CTNNA3: variants seen among roughly 807,000 people sequenced by gnomAD.
CTNNA3 encodes the protein catenin alpha 3, also known as catenin alpha-3.
A neutral mutation model predicts 95.7 loss-of-function variants in CTNNA3; 76 were observed. The ratio of observed to expected loss-of-function variants is 0.79; its 90% CI spans 0.66 to 0.96. The LOEUF (loss-of-function observed/expected upper bound fraction) is 0.96. Among genes scored for constraint, CTNNA3 ranks in the 40% least tolerant of loss-of-function variants. The pLI is 0.00. For synonymous variants in CTNNA3, 431 were observed against 374.4 expected (o/e 1.15, Z -1.74); for missense variants, 1,191 against 1,089.8 (o/e 1.09, Z -1.31).
At chr10:66,412,529 C>T (rs1419954093) in intron 11 of CTNNA3, among the ~76,000 whole-genome samples, 1 of 147,398 alleles carries the variant, frequency 6.8e-6, no homozygotes, top group Non-Finnish European at 1.5e-5. Context: ...GGCATGATCT[C>T]GGCTCACTGC....
intron 15 of CTNNA3, among the ~76,000 whole-genome samples, chr10:66,034,733 T>C (rs1397002904): frequency 6.6e-6 from 1 of 152,148 alleles, no homozygotes; most frequent in Non-Finnish European, 1.5e-5. Context: ...ATTAGCTACC[T>C]GAATGAGAAG....
At chr10:66,200,122 T>G (rs771057095) in intron 13 of CTNNA3, among the ~76,000 whole-genome samples, 5 of 149,918 alleles carry the variant, frequency 3.3e-5, no homozygotes, top group African/African-American at 4.9e-5. Context: ...CACGCACACA[T>G]ACACACACAC....
intron 7 of CTNNA3, among the ~76,000 whole-genome samples, chr10:66,920,992 A>C (rs1405129728): frequency 6.6e-6 from 1 of 152,318 alleles, no homozygotes; most frequent in South Asian, 2.1e-4. Flanking sequence ...CCCTGCTAAG[A>C]GTGATCATCT....
chr10:67,652,762 T>C (rs1408571347), intron 1 of CTNNA3, among the ~76,000 whole-genome samples: 4 of 152,216 alleles, frequency 2.6e-5, no homozygotes, highest in Admixed American at 6.5e-5. Context: ...CTTGCCAATT[T>C]GACATCATAG....
At chr10:66,378,873 T>C (rs1270035165) in intron 12 of CTNNA3, among the ~76,000 whole-genome samples, 1 of 152,206 alleles carries the variant, frequency 6.6e-6, no homozygotes, top group Non-Finnish European at 1.5e-5. Context: ...TATCTCCTAA[T>C]AGATAAGGCA....
chr10:66,995,720 T>C (rs535684767), intron 7 of CTNNA3, among the ~76,000 whole-genome samples: 1 of 152,324 alleles, frequency 6.6e-6, no homozygotes, highest in East Asian at 1.9e-4. Context: ...TTGCTTACAC[T>C]GCTCCTTCTG....
chr10:67,699,179 T>C (rs552402394), upstream of CTNNA3, among the ~76,000 whole-genome samples: 1 of 152,272 alleles, frequency 6.6e-6, no homozygotes, highest in Non-Finnish European at 1.5e-5. Flanking sequence ...TGCAAAAATA[T>C]GCCACAGGAC....
At chr10:66,540,043 T>C (rs1384351593) in intron 10 of CTNNA3, among the ~76,000 whole-genome samples, 1 of 152,100 alleles carries the variant, frequency 6.6e-6, no homozygotes, top group Admixed American at 6.6e-5. Context: ...CCTTCTTTTG[T>C]TTGTTATCAC....
At chr10:66,591,552 T>C (rs1843551684) in intron 10 of CTNNA3, among the ~76,000 whole-genome samples, 1 of 152,128 alleles carries the variant, frequency 6.6e-6, no homozygotes, top group South Asian at 2.1e-4. Context: ...GCTCTGACTC[T>C]AGAAGAGATG....
At position 65,920,555 on chromosome 10, in the gene CTNNA3, T is replaced by C. The variant is rs1181741393; in HGVS notation, c.2463A>G (p.Thr821=). ...TTGAGGCAATGTAAGACATTTTCAC[T>C]GTTTGCACTACAGCATTCATTAAAT... ...AKNLMNAVVQ[T]VKMSYIASTK... The change falls in exon 18 of 18, where the codon ACA becomes ACG. Residue 821 remains threonine (T), a synonymous_variant. Coordinates refer to ENST00000433211, the MANE Select transcript of CTNNA3 (RefSeq NM_013266.4). The C allele has an allele frequency of 6.2e-7, 1 of 1,614,062 alleles. No homozygotes were observed. The highest frequency in any genetic ancestry group is 1.3e-5 in the African/African-American group (1 of 74,936).
At chr10:66,987,445 A>G (rs1298064191) in intron 7 of CTNNA3, among the ~76,000 whole-genome samples, 1 of 152,210 alleles carries the variant, frequency 6.6e-6, no homozygotes, top group Non-Finnish European at 1.5e-5. Context: ...GAGTCAAAAA[A>G]TGCTGAGGCT....
chr10:67,661,475 G>A (rs1840187760), intron 1 of CTNNA3, among the ~76,000 whole-genome samples: 1 of 151,978 alleles, frequency 6.6e-6, no homozygotes, highest in African/African-American at 2.4e-5. Flanking sequence ...AGAAAACATA[G>A]GAAAAAAATC....
intron 11 of CTNNA3, among the ~76,000 whole-genome samples, chr10:66,433,632 A>C (rs1240637745): frequency 6.6e-6 from 1 of 152,200 alleles, no homozygotes; most frequent in Non-Finnish European, 1.5e-5. Context: ...CACCGTGCAG[A>C]AGCTCTTTAG....
intron 5 of CTNNA3, among the ~76,000 whole-genome samples, chr10:67,420,588 G>A (rs976054581): frequency 5.3e-5 from 8 of 152,024 alleles, no homozygotes; most frequent in Non-Finnish European, 7.4e-5. Flanking sequence ...ACACACTTAC[G>A]GTGTTTCCTG....
Position 66,849,737 on chromosome 10 carries a change from A to G in CTNNA3, c.1048-74213T>C, listed in dbSNP as rs148884607. Among the ~76,000 whole-genome samples, 405 of 152,286 alleles carry G rather than the reference A, an allele frequency of 2.7e-3. 4 individuals are homozygous for G. Among genetic ancestry groups the G allele is most frequent in the African/African-American group, 9.0e-3 (375 of 41,552 alleles). ...CTTTCCTAGAACTGTCAGAAGAAGC[A>G]TGGTCCTACAGATACCTTAATTTCA... On this transcript the variant is annotated intron_variant, in intron 7 of 17. Transcript: ENST00000433211.
intron 7 of CTNNA3, among the ~76,000 whole-genome samples, chr10:67,070,325 A>G (rs1856369911): frequency 1.3e-5 from 2 of 152,160 alleles, no homozygotes; most frequent in Admixed American, 6.5e-5. Context: ...GTGTATTAAG[A>G]ATATCTTCTC....
chr10:66,033,977 A>G (rs1421336766), intron 15 of CTNNA3, among the ~76,000 whole-genome samples: 1 of 152,160 alleles, frequency 6.6e-6, no homozygotes, highest in Middle Eastern at 3.2e-3. Context: ...TTATGAAGAT[A>G]TTTTCTCCAT....
chr10:67,659,086 C>A (rs1052515644), intron 1 of CTNNA3, among the ~76,000 whole-genome samples: 1 of 151,636 alleles, frequency 6.6e-6, no homozygotes, highest in African/African-American at 2.4e-5. Flanking sequence ...ACACATACAA[C>A]CAAAATGAAA....
chr10:67,204,606 G>C lies in CTNNA3; in HGVS notation c.843+15001C>G, dbSNP rs2170140. On this transcript the variant is annotated intron_variant, in intron 6 of 17. Coordinates refer to ENST00000433211, the MANE Select transcript of CTNNA3 (RefSeq NM_013266.4). ...TACTAATAAGAAAGCTGAATTTATG[G>C]GATCTAAAACAAAGTATGTTGATCT... Among the ~76,000 whole-genome samples, 725 of 152,144 alleles carry C rather than the reference G, an allele frequency of 4.8e-3. 9 individuals are homozygous for C. The highest frequency in any genetic ancestry group is 0.016 in the African/African-American group (679 of 41,476).
Sources: allele counts gnomAD v4.1 joint callset (sites outside exome capture counted in the v4.1 genomes callset), GRCh38; gene constraint gnomAD v4.1.1; transcripts MANE v1.5; gene names NCBI Gene and HGNC (gene_info 2026-07-23, HGNC 2026-07-21).